The following SNRPN variants were observed in gnomAD, a reference collection of about 807,000 sequenced individuals.
SNRPN encodes small nuclear ribonucleoprotein-associated protein N.
SNRPN carries 7 observed loss-of-function variants against 25.2 expected under a neutral mutation model. The observed-to-expected ratio is 0.28, with a 90% CI of 0.16 to 0.52. The LOEUF is 0.52. SNRPN is among the 20% of genes least tolerant of loss of function. The pLI is 0.96. For synonymous variants in SNRPN, 124 were observed against 110.6 expected, an observed-to-expected ratio of 1.12 and a Z score of -0.76; for missense variants, 196 against 322.5, an observed-to-expected ratio of 0.61 and a Z score of 3.00.
At chr15:24,972,714 T>C (rs2076579899) in intron 3 of SNRPN, among the ~76,000 whole-genome samples, 3 of 152,096 alleles carry the variant, frequency 2.0e-5, no homozygotes, top group Admixed American at 6.6e-5. Context: ...TCTGGCTAGA[T>C]TTGGTTGCCA....
intron 2 of SNRPN, among the ~76,000 whole-genome samples, chr15:24,895,921 C>A (rs2058057136): frequency 6.6e-6 from 1 of 152,162 alleles, no homozygotes; most frequent in African/African-American, 2.4e-5. Flanking sequence ...AGAACAAGGT[C>A]TTTCAATCCA....
At chr15:24,909,901 G>T in intron 2 of SNRPN, 1 of 620,446 alleles carries the variant, frequency 1.6e-6, no homozygotes, top group East Asian at 2.7e-5. Flanking sequence ...GGGAGAAGGG[G>T]AAAGCTTTTT....
intron 4 of SNRPN, 39 bp from the exon 5 acceptor site, chr15:24,975,319 T>C (rs2076944943): frequency 1.3e-6 from 2 of 1,579,432 alleles, no homozygotes; most frequent in South Asian, 2.3e-5. Context: ...GACTAGGGTG[T>C]TGGCAAGCTG....
chr15:24,937,687 G>A (rs1057222391), intron 3 of SNRPN, among the ~76,000 whole-genome samples: 7 of 152,138 alleles, frequency 4.6e-5, no homozygotes, highest in African/African-American at 1.4e-4. Flanking sequence ...TCACATTGAT[G>A]TGCAACCATC....
upstream of SNRPN, among the ~76,000 whole-genome samples, chr15:24,952,652 T>C (rs2062369345): frequency 6.6e-6 from 1 of 152,180 alleles, no homozygotes; most frequent in South Asian, 2.1e-4. Flanking sequence ...AGTCAGAGTT[T>C]GAAAAGAGAA....
At chr15:24,832,012 C>G (rs1454414867) in intron 2 of SNRPN, among the ~76,000 whole-genome samples, 2 of 151,668 alleles carry the variant, frequency 1.3e-5, no homozygotes, top group African/African-American at 4.9e-5. Flanking sequence ...TGGATATATA[C>G]CCAGTAATAA....
chr15:24,923,919 AAACATTT>A lies in SNRPN; in HGVS notation c.-391+3796_-391+3802del, dbSNP rs1195627796. ...TGTGTGTGTGTGTGTGTGTGTATAT[AAACATTT>A]TTTTTTTTTTTTTTTTTTTTTTGAG... On this transcript the variant is annotated intron_variant, in intron 3 of 11. Coordinates refer to the SNRPN transcript ENST00000400097. Among the ~76,000 whole-genome samples the A allele has an allele frequency of 2.8e-3, 156 of 54,944 alleles. 2 individuals are homozygous for A. Among genetic ancestry groups the A allele is most frequent in the African/African-American group, 9.8e-3 (130 of 13,248 alleles). The allele number at this position is 54,944 out of a possible 152,430, so 36.0% of individuals were successfully genotyped here.
chr15:24,909,127 A>G, intron 2 of SNRPN: 2 of 1,343,470 alleles, frequency 1.5e-6, no homozygotes, highest in South Asian at 2.3e-5. Context: ...TCATGTCTGG[A>G]GTTACCCTGT....
chr15:24,831,700 CCGCTTA>C (rs1413081361), intron 2 of SNRPN, among the ~76,000 whole-genome samples: 1 of 151,948 alleles, frequency 6.6e-6, no homozygotes, highest in Admixed American at 6.6e-5. Context: ...TTTTTAGATT[CCGCTTA>C]CACATGGGTT....
intron 2 of SNRPN, chr15:24,909,750 C>G: frequency 7.9e-7 from 1 of 1,262,844 alleles, no homozygotes; most frequent in Admixed American, 1.7e-5. Context: ...GTTTTACCCT[C>G]TCATCATCGT....
intron 2 of SNRPN, among the ~76,000 whole-genome samples, chr15:24,886,990 A>T (rs1333294009): frequency 6.6e-6 from 1 of 152,136 alleles, no homozygotes; most frequent in Non-Finnish European, 1.5e-5. Context: ...GACACAGTCA[A>T]ACTGGCTTTT....
intron 3 of SNRPN, among the ~76,000 whole-genome samples, chr15:24,970,503 C>T (rs1476324804): frequency 6.6e-6 from 1 of 152,050 alleles, no homozygotes; most frequent in East Asian, 1.9e-4. Flanking sequence ...TTCTTGAACC[C>T]TAGGGGCAGA....
intron 2 of SNRPN, among the ~76,000 whole-genome samples, chr15:24,966,352 T>C (rs1266991416): frequency 1.3e-5 from 2 of 152,296 alleles, no homozygotes; most frequent in East Asian, 1.9e-4. Flanking sequence ...CACACAAATC[T>C]TCCCTGTCCT....
chr15:24,877,331 T>G (rs2056012729), intron 1 of SNRPN, among the ~76,000 whole-genome samples: 1 of 152,184 alleles, frequency 6.6e-6, no homozygotes, highest in Non-Finnish European at 1.5e-5. Flanking sequence ...CAGAAGCACG[T>G]GCTACACTAG....
chr15:24,837,275 G>A (rs2051275920), intron 2 of SNRPN, among the ~76,000 whole-genome samples: 1 of 151,950 alleles, frequency 6.6e-6, no homozygotes, highest in African/African-American at 2.4e-5. Flanking sequence ...CCTATAGGTG[G>A]GACTCTTAAC....
chr15:24,909,011 A>G, intron 2 of SNRPN: 1 of 1,421,846 alleles, frequency 7.0e-7, no homozygotes, highest in South Asian at 1.2e-5. Flanking sequence ...AGCAAGGGAC[A>G]TTTTGGGATG....
intron 1 of SNRPN, among the ~76,000 whole-genome samples, chr15:24,874,137 C>T (rs1257050468): frequency 6.6e-6 from 1 of 151,462 alleles, no homozygotes; most frequent in Non-Finnish European, 1.5e-5. Flanking sequence ...AGTGAAACCT[C>T]GTCTCTACTA....
rs142339628 is a variant in SNRPN at position 24,877,336 on chromosome 15, C to T, written c.-578-9180C>T. 7.3e-3 allele frequency among the ~76,000 whole-genome samples: 1,107 copies of T among 152,282 alleles called. 7 individuals carry two copies. The highest frequency in any genetic ancestry group is 0.013 in the Non-Finnish European group (891 of 68,024). On this transcript the variant is annotated intron_variant, in intron 1 of 11. Coordinates refer to the SNRPN transcript ENST00000400097. ...ATTTGTATTTCAGAAGCACGTGCTACACTAGCTTTAGGGAATGAAGAACCA... is the reference window on the plus strand; with the variant it reads ...ATTTGTATTTCAGAAGCACGTGCTATACTAGCTTTAGGGAATGAAGAACCA...
At chr15:24,861,892 A>AT (rs2054017767) in intron 1 of SNRPN, among the ~76,000 whole-genome samples, 1 of 143,658 alleles carries the variant, frequency 7.0e-6, no homozygotes, top group South Asian at 2.1e-4. Flanking sequence ...TGCTTATGAT[A>AT]GTTCTAAACC....
Sources: allele counts gnomAD v4.1 joint callset (sites outside exome capture counted in the v4.1 genomes callset), GRCh38; gene constraint gnomAD v4.1.1; transcripts MANE v1.5; gene names NCBI Gene and HGNC (gene_info 2026-07-23, HGNC 2026-07-21).